Variants in ROBO1 observed in about 807,000 individuals in gnomAD.
ROBO1 encodes the protein roundabout guidance receptor 1, also known as roundabout homolog 1.
Under a neutral mutation model 195.9 loss-of-function variants are expected in ROBO1, and 149 were observed. That is an observed-to-expected ratio of 0.76 (90% confidence interval 0.67 to 0.87). The LOEUF (loss-of-function observed/expected upper bound fraction) is 0.87, where lower values mean the gene tolerates loss of function less well. ROBO1 is among the 40% of genes least tolerant of loss of function. The pLI, the probability that ROBO1 is intolerant of heterozygous loss-of-function variation, is 0.00. For missense variants in ROBO1, 1,933 were observed against 2,068.3 expected (o/e 0.93, Z 1.27); for synonymous variants, 816 against 733.2 (o/e 1.11, Z -1.82).
intron 3 of ROBO1, among the ~76,000 whole-genome samples, chr3:79,028,094 G>A (rs912642162): frequency 2.0e-5 from 3 of 151,936 alleles, no homozygotes; most frequent in African/African-American, 7.2e-5. Context: ...AAGTAGTATG[G>A]CTGATAGCCT....
intron 10 of ROBO1, among the ~76,000 whole-genome samples, chr3:78,684,053 T>G (rs762168766): frequency 6.6e-6 from 1 of 152,050 alleles, no homozygotes; most frequent in African/African-American, 2.4e-5. Context: ...GAAATTAGTA[T>G]GTATGTCCAC....
At chr3:78,664,559 T>A (rs1478374430) in intron 14 of ROBO1, among the ~76,000 whole-genome samples, 2 of 152,152 alleles carry the variant, frequency 1.3e-5, no homozygotes, top group Non-Finnish European at 2.9e-5. Flanking sequence ...ACACTTTGAT[T>A]ACCACATAAC....
chr3:79,378,765 A>G (rs1398795286), intron 2 of ROBO1, among the ~76,000 whole-genome samples: 1 of 152,204 alleles, frequency 6.6e-6, no homozygotes, highest in Non-Finnish European at 1.5e-5. Context: ...CCAAGAAACA[A>G]CTATTGGTAA....
At position 79,319,152 on chromosome 3, in the gene ROBO1, T is replaced by C. The variant is rs148013648; in HGVS notation, c.89-193613A>G. ...CCTTCCATATATTGTTGAAACATTTTATAAGTCTTTGAAAACCAGTGTGTA... is the reference window on the plus strand; with the variant it reads ...CCTTCCATATATTGTTGAAACATTTCATAAGTCTTTGAAAACCAGTGTGTA... On this transcript the variant is annotated intron_variant, in intron 2 of 30. Transcript: ENST00000464233. Among the ~76,000 whole-genome samples the C allele has an allele frequency of 1.8e-3, 274 of 152,284 alleles. 3 individuals are homozygous for C. In the East Asian group the frequency reaches 0.035, roughly 19 times the overall value.
intron 2 of ROBO1, among the ~76,000 whole-genome samples, chr3:79,388,026 A>C (rs1462228609): frequency 6.6e-6 from 1 of 152,140 alleles, no homozygotes; most frequent in African/African-American, 2.4e-5. Flanking sequence ...CGTATTTGTT[A>C]AACTGAATGG....
At chr3:78,674,693 C>A (rs980374154) in intron 10 of ROBO1, among the ~76,000 whole-genome samples, 2 of 152,068 alleles carry the variant, frequency 1.3e-5, no homozygotes, top group Non-Finnish European at 2.9e-5. Context: ...AAGGTCTATG[C>A]GTGATCTAGT....
chr3:79,285,458 C>T (rs193112249), intron 2 of ROBO1, among the ~76,000 whole-genome samples: 1 of 152,318 alleles, frequency 6.6e-6, no homozygotes, highest in Admixed American at 6.5e-5. Context: ...TTTAACCATA[C>T]ACTACTCAAT....
intron 1 of ROBO1, among the ~76,000 whole-genome samples, chr3:79,681,875 G>A (rs139711190): frequency 2.2e-4 from 33 of 151,996 alleles, no homozygotes; most frequent in African/African-American, 3.6e-4. Context: ...AATATTAGAC[G>A]TATTTTTATT....
At chr3:78,884,648 A>AAAGAAAGGAAGG (rs1491545436) in intron 4 of ROBO1, among the ~76,000 whole-genome samples, 89 of 107,516 alleles carry the variant, frequency 8.3e-4, no homozygotes, top group African/African-American at 2.7e-3. Flanking sequence ...AGAAAGAAAG[A>AAAGAAAGGAAGG]AAGGAAGGAA....
chr3:79,362,048 A>G (rs553070332), intron 2 of ROBO1, among the ~76,000 whole-genome samples: 2 of 152,074 alleles, frequency 1.3e-5, no homozygotes, highest in African/African-American at 4.8e-5. Flanking sequence ...CACATACGGT[A>G]GATATGAATT....
intron 4 of ROBO1, among the ~76,000 whole-genome samples, chr3:78,921,239 C>T (rs529210574): frequency 1.3e-5 from 2 of 152,218 alleles, no homozygotes; most frequent in Non-Finnish European, 2.9e-5. Context: ...CCCACTAAGT[C>T]AAATATAAAA....
intron 4 of ROBO1, among the ~76,000 whole-genome samples, chr3:78,887,389 T>C (rs142555939): frequency 6.6e-6 from 1 of 152,152 alleles, no homozygotes; most frequent in African/African-American, 2.4e-5. Context: ...TAAAGTTGCA[T>C]GCACATGTAA....
chr3:79,570,834 A>G (rs1943254745), intron 2 of ROBO1, among the ~76,000 whole-genome samples: 1 of 152,108 alleles, frequency 6.6e-6, no homozygotes, highest in Non-Finnish European at 1.5e-5. Flanking sequence ...AAATTTAGAA[A>G]CTTTTGAATC....
chr3:79,536,282 A>C (rs991657025), intron 2 of ROBO1, among the ~76,000 whole-genome samples: 4 of 152,172 alleles, frequency 2.6e-5, no homozygotes, highest in African/African-American at 4.8e-5. Flanking sequence ...ACACAAATGC[A>C]TACACACATG....
At chr3:78,647,483 C>T in intron 20 of ROBO1, 146 bp downstream of exon 20, 2 of 781,046 alleles carry the variant, frequency 2.6e-6, no homozygotes, top group Non-Finnish European at 4.5e-6. Flanking sequence ...TAAACACATG[C>T]CTGGTGTGAG....
At chr3:79,243,027 C>T (rs1372547092) in intron 2 of ROBO1, among the ~76,000 whole-genome samples, 1 of 138,034 alleles carries the variant, frequency 7.2e-6, no homozygotes, top group Non-Finnish European at 1.5e-5. Context: ...TGTTCCCCTT[C>T]CTGTGTCCAT....
intron 2 of ROBO1, among the ~76,000 whole-genome samples, chr3:79,430,555 A>T (rs2038636682): frequency 6.6e-6 from 1 of 152,164 alleles, no homozygotes; most frequent in South Asian, 2.1e-4. Context: ...CTAATTGGGA[A>T]CAAAAGGAGC....
intron 3 of ROBO1, among the ~76,000 whole-genome samples, chr3:79,011,069 G>C (rs1009146250): frequency 1.3e-5 from 2 of 152,096 alleles, no homozygotes; most frequent in Non-Finnish European, 2.9e-5. Context: ...CTAATGGAAC[G>C]GTCTGGATAT....
At chr3:79,134,177 A>T (rs1398346977) in intron 2 of ROBO1, among the ~76,000 whole-genome samples, 1 of 143,604 alleles carries the variant, frequency 7.0e-6, no homozygotes, top group South Asian at 2.4e-4. Flanking sequence ...CAATGAACTC[A>T]AACAAATTTA....
Sources: allele counts gnomAD v4.1 joint callset (sites outside exome capture counted in the v4.1 genomes callset), GRCh38; gene constraint gnomAD v4.1.1; transcripts MANE v1.5; gene names NCBI Gene and HGNC (gene_info 2026-07-23, HGNC 2026-07-21).